STAU2: variants seen among roughly 807,000 people sequenced by gnomAD.
STAU2 encodes double-stranded RNA-binding protein Staufen homolog 2.
Under a neutral mutation model 65.9 loss-of-function variants are expected in STAU2, and 20 were observed. The observed-to-expected ratio is 0.30, with a 90% CI of 0.21 to 0.44. STAU2 has a LOEUF of 0.44. STAU2 is among the 20% of genes least tolerant of loss of function. The pLI, the probability that STAU2 is intolerant of heterozygous loss-of-function variation, is 1.00. For missense variants in STAU2, 558 were observed against 683.9 expected (o/e 0.82, Z 2.05); for synonymous variants, 232 against 233.9 (o/e 0.99, Z 0.07).
intron 6 of STAU2, chr8:73,669,129 A>G (rs1563494871): frequency 1.4e-6 from 1 of 701,630 alleles, no homozygotes; most frequent in East Asian, 2.7e-5. Flanking sequence ...TAAAATAAAT[A>G]TGAGAAATCA....
intron 12 of STAU2, among the ~76,000 whole-genome samples, chr8:73,582,537 T>A (rs1481701837): frequency 1.3e-5 from 2 of 152,076 alleles, no homozygotes; most frequent in Non-Finnish European, 2.9e-5. Context: ...GATCACTACA[T>A]GTATTAAATG....
chr8:73,421,313 C>T lies in STAU2; in HGVS notation c.*59G>A. ...CATTCATTTCCCTGAACACAGACAC[C>T]CTCATGCGTGCTGACAGGTTTATAA... is the stretch of plus-strand genomic sequence containing the variant. On this transcript the variant is annotated 3_prime_UTR_variant, in exon 15 of 15. Coordinates refer to ENST00000524300, the MANE Select transcript of STAU2 (RefSeq NM_001164380.2). 1 of 1,417,316 alleles carries T rather than the reference C, an allele frequency of 7.1e-7. No individual in the cohort carries two copies. 87.8% of individuals were successfully genotyped at this position (1,417,316 alleles called of 1,614,324 possible).
intron 1 of STAU2, 42 bp downstream of exon 1, chr8:73,746,741 G>A: frequency 1.7e-6 from 2 of 1,163,588 alleles, no homozygotes; most frequent in Non-Finnish European, 2.2e-6. Context: ...CCGGCGGCGC[G>A]GAAGTCGGGG....
intron 3 of STAU2, among the ~76,000 whole-genome samples, chr8:73,732,419 C>T (rs1323351428): frequency 6.6e-6 from 1 of 152,220 alleles, no homozygotes; most frequent in Non-Finnish European, 1.5e-5. Context: ...GGGGATTACA[C>T]CATGGTGTAA....
At chr8:73,614,751 T>TA (rs35152675) in intron 8 of STAU2, among the ~76,000 whole-genome samples, 29,162 of 151,974 alleles carry the variant, frequency 0.19, 3,029 homozygotes, top group East Asian at 0.37. Context: ...TTGTAGCCTT[T>TA]AAAAAAAATC....
intron 5 of STAU2, among the ~76,000 whole-genome samples, chr8:73,674,495 G>C (rs1364636557): frequency 6.6e-6 from 1 of 151,726 alleles, no homozygotes; most frequent in African/African-American, 2.4e-5. Flanking sequence ...TCTCTATAAA[G>C]AAAACAAAGC....
chr8:73,497,503 A>C (rs1367046184), intron 13 of STAU2, among the ~76,000 whole-genome samples: 8 of 151,760 alleles, frequency 5.3e-5, no homozygotes, highest in African/African-American at 1.9e-4. Context: ...TCATTAAAAC[A>C]GGTGATATAA....
At chr8:73,621,594 T>C (rs895058399) in intron 6 of STAU2, among the ~76,000 whole-genome samples, 8 of 152,194 alleles carry the variant, frequency 5.3e-5, no homozygotes, top group Admixed American at 3.9e-4. Flanking sequence ...ATGATTACTG[T>C]TAAAAGATGA....
chr8:73,613,968 A>C lies in STAU2; in HGVS notation c.679-12T>G, dbSNP rs1218849117. The C allele has an allele frequency of 2.5e-6, 4 of 1,572,862 alleles. No individual in the cohort carries two copies. The South Asian group carries it at 4.7e-5, about 19-fold the overall frequency. ...CTTTCTTTAATAACCTATTAAATAC[A>C]AGTAAAATATTAAATAATGGATAGG... On this transcript the variant is annotated splice_polypyrimidine_tract_variant and intron_variant, in intron 8 of 14. Transcript: ENST00000524300.
At chr8:73,527,890 T>TCAGGAAAATTCAAATAATTCA in intron 13 of STAU2, 1 of 813,962 alleles carries the variant, frequency 1.2e-6, no homozygotes, top group Non-Finnish European at 1.9e-6. Flanking sequence ...GGTCTAGATT[T>TCAGGAAAATTCAAATAATTCA]CACAGAACAC....
At chr8:73,597,565 A>C (rs1292952825) in intron 10 of STAU2, among the ~76,000 whole-genome samples, 3 of 150,944 alleles carry the variant, frequency 2.0e-5, no homozygotes, top group Non-Finnish European at 3.0e-5. Context: ...AGCTACTTGA[A>C]AGGCTGATGC....
At chr8:73,730,974 T>C (rs1806023797) in intron 3 of STAU2, among the ~76,000 whole-genome samples, 1 of 152,170 alleles carries the variant, frequency 6.6e-6, no homozygotes, top group East Asian at 1.9e-4. Context: ...CTAAATAGTG[T>C]TCTGGTGCAG....
intron 13 of STAU2, among the ~76,000 whole-genome samples, chr8:73,431,945 T>C (rs1163116288): frequency 6.6e-6 from 1 of 152,226 alleles, no homozygotes. Context: ...GCAGTCTTCA[T>C]TAGCAACATG....
At chr8:73,482,433 T>A (rs893842974) in intron 13 of STAU2, among the ~76,000 whole-genome samples, 2 of 152,120 alleles carry the variant, frequency 1.3e-5, no homozygotes, top group Non-Finnish European at 2.9e-5. Context: ...TCTCTAGGTA[T>A]GAAAGGAATC....
chr8:73,673,375 A>G, intron 5 of STAU2, 133 bp from the exon 6 acceptor site: 1 of 940,646 alleles, frequency 1.1e-6, no homozygotes. Context: ...TGATTTTCTA[A>G]GGAACTGCGA....
chr8:73,607,668 A>G (rs1812129337), intron 9 of STAU2, among the ~76,000 whole-genome samples: 1 of 149,348 alleles, frequency 6.7e-6, no homozygotes. Flanking sequence ...ACCTGGGAGG[A>G]GGAGGTTGCG....
intron 13 of STAU2, among the ~76,000 whole-genome samples, chr8:73,461,870 G>C (rs1465864545): frequency 2.0e-5 from 3 of 152,126 alleles, no homozygotes; most frequent in Non-Finnish European, 1.5e-5. Flanking sequence ...CACACCCAGG[G>C]CCCCAGCTGT....
chr8:73,423,017 C>G (rs953885070), intron 13 of STAU2, among the ~76,000 whole-genome samples: 3 of 152,214 alleles, frequency 2.0e-5, no homozygotes, highest in African/African-American at 7.2e-5. Flanking sequence ...CATAATTTCT[C>G]ACGTTACTGA....
chr8:73,542,737 TG>T (rs1194170817), intron 13 of STAU2, among the ~76,000 whole-genome samples: 4 of 152,094 alleles, frequency 2.6e-5, no homozygotes, highest in African/African-American at 9.7e-5. Flanking sequence ...TTGTCCTCAG[TG>T]AAATACAAAC....
Sources: gnomAD v4.1 joint callset for allele counts (sites outside exome capture counted in the v4.1 genomes callset) on GRCh38, gnomAD v4.1.1 for gene constraint, MANE v1.5 for transcripts, NCBI Gene and HGNC (gene_info 2026-07-23, HGNC 2026-07-21) for gene names.